VAV2: variants seen among roughly 807,000 people sequenced by gnomAD.
The protein encoded by VAV2 is guanine nucleotide exchange factor VAV2.
In VAV2, 67 loss-of-function variants were observed where a neutral mutation model predicts 132.5. The observed-to-expected ratio is 0.51, with a 90% CI of 0.42 to 0.62. The LOEUF is 0.62. Among genes scored for constraint, VAV2 ranks in the 20% least tolerant of loss-of-function variants. The pLI is 0.00. For missense variants in VAV2, 938 were observed against 1,153.6 expected, an observed-to-expected ratio of 0.81 and a Z score of 2.71; for synonymous variants, 492 against 443.5, an observed-to-expected ratio of 1.11 and a Z score of -1.37.
At position 133,861,379 on chromosome 9, in the gene VAV2, C is replaced by T. The variant is rs1172128881; in HGVS notation, c.375G>A (p.Gly125=). The T allele has an allele frequency of 6.2e-7, 1 of 1,612,448 alleles. No homozygotes were observed. Among genetic ancestry groups the T allele is most frequent in the Non-Finnish European group, 8.5e-7 (1 of 1,179,220 alleles). ...LSLHSIAQNK[G]IRPFPSEETT... is the part of the protein sequence containing the mutation. Reference sequence around the variant, plus strand: ...GCGCACTCCGGAGAGCTCACCTGATCCCTTTGTTCTGCGCGATGCTGTGCA... The same window carrying T: ...GCGCACTCCGGAGAGCTCACCTGATTCCTTTGTTCTGCGCGATGCTGTGCA... Residue 125 remains glycine, a synonymous_variant, in exon 3 of 30, where the codon GGG becomes GGA. Transcript: ENST00000371850.
In VAV2 at chr9:133,926,717, T is replaced by C. The variant is rs924020460; in HGVS notation, c.321+12386A>G. Among the ~76,000 whole-genome samples the C allele has an allele frequency of 5.9e-5, 9 of 152,124 alleles. No homozygotes were observed. The highest frequency in any genetic ancestry group is 1.0e-4 in the Non-Finnish European group (7 of 68,004). Reference sequence around the variant, plus strand: ...GGAAGCCCTCCTTGACTAGCTCAACTGTCTAACACACCTCTGCCCACCAAA... The same window carrying C: ...GGAAGCCCTCCTTGACTAGCTCAACCGTCTAACACACCTCTGCCCACCAAA... On this transcript the variant is annotated intron_variant, in intron 2 of 29. Transcript: ENST00000371850. This position sits in a 1 kb window ranked among gnomAD's most constrained non-coding sequence, Gnocchi z 4.3.
intron 1 of VAV2, among the ~76,000 whole-genome samples, chr9:133,953,102 C>A (rs945298653): frequency 6.6e-6 from 1 of 152,124 alleles, no homozygotes; most frequent in Non-Finnish European, 1.5e-5. Context: ...GGGAGCACAG[C>A]CTGCCAACAT....
chr9:133,965,010 T>C lies in VAV2; in HGVS notation c.205-25791A>G, dbSNP rs138520890. Reference sequence around the variant, plus strand: ...AGGAAAGAAATAGAGGGCCTCCAAATTGGAAAGCAGGAAGTCAAACTGTCC... The same window carrying C: ...AGGAAAGAAATAGAGGGCCTCCAAACTGGAAAGCAGGAAGTCAAACTGTCC... On this transcript the variant is annotated intron_variant, in intron 1 of 29. Transcript: ENST00000371850. 7.5e-3 allele frequency among the ~76,000 whole-genome samples: 1,147 copies of C among 152,140 alleles called. 10 individuals are homozygous for C. Among genetic ancestry groups the C allele is most frequent in the African/African-American group, 0.022 (911 of 41,496 alleles).
chr9:133,870,484 GC>G (rs945906212), intron 2 of VAV2, among the ~76,000 whole-genome samples: 1 of 152,168 alleles, frequency 6.6e-6, no homozygotes, highest in Non-Finnish European at 1.5e-5. Context: ...CTCAGAATTG[GC>G]CCACTCTTCC....
chr9:133,784,197 C>A (rs1178393223), intron 18 of VAV2, 120 bp downstream of exon 18: 1 of 1,102,258 alleles, frequency 9.1e-7, no homozygotes, highest in Admixed American at 1.9e-5. Context: ...GTGGGGTATA[C>A]TCCCTTAACC....
chr9:133,771,548 G>C (rs1833625464), intron 26 of VAV2, among the ~76,000 whole-genome samples: 1 of 152,226 alleles, frequency 6.6e-6, no homozygotes, highest in African/African-American at 2.4e-5. Context: ...GGCTGGGACA[G>C]AGGGTGGGGG....
Position 133,788,491 on chromosome 9 carries a change from G to A in VAV2, c.1275-5C>T, listed in dbSNP as rs1408328029. 1 of 1,604,680 alleles carries A rather than the reference G, an allele frequency of 6.2e-7. No individual in the cohort carries two copies. The highest frequency in any genetic ancestry group is 8.5e-7 in the Non-Finnish European group (1 of 1,172,422). ...TTGTCAAACAGGAACAAGTACCTGG[G>A]CCAGGCAGCGCAGCGGGGGATCAGC... On this transcript the variant is annotated splice_polypyrimidine_tract_variant and splice_region_variant and intron_variant, in intron 14 of 29. Coordinates refer to ENST00000371850, the MANE Select transcript of VAV2 (RefSeq NM_001134398.2). The surrounding 1 kb of genome is among the most constrained non-coding windows in gnomAD (Gnocchi z 5.3).
chr9:133,870,355 C>T (rs1021958792), intron 2 of VAV2, among the ~76,000 whole-genome samples: 8 of 152,134 alleles, frequency 5.3e-5, no homozygotes, highest in Non-Finnish European at 7.3e-5. Flanking sequence ...CAACTAGCAG[C>T]GACTCTGAAG....
At position 133,788,005 on chromosome 9, in the gene VAV2, T is replaced by G. The variant is rs956018184; in HGVS notation, c.1407+349A>C. 2.0e-5 allele frequency among the ~76,000 whole-genome samples: 3 copies of G among 152,256 alleles called. No individual in the cohort carries two copies. Among genetic ancestry groups the G allele is most frequent in the Admixed American group, 2.0e-4 (3 of 15,290 alleles). On this transcript the variant is annotated intron_variant, in intron 15 of 29. Coordinates refer to ENST00000371850, the MANE Select transcript of VAV2 (RefSeq NM_001134398.2). This position sits in a 1 kb window ranked among gnomAD's most constrained non-coding sequence, Gnocchi z 5.3. ...GGGACAACATGGGCTAGAGTCAGGCTGGCCAGATGGAAAGCCAAGGTTGAA... is the reference window on the plus strand; with the variant it reads ...GGGACAACATGGGCTAGAGTCAGGCGGGCCAGATGGAAAGCCAAGGTTGAA...
chr9:133,965,814 T>G (rs1264158703), intron 1 of VAV2, among the ~76,000 whole-genome samples: 1 of 152,128 alleles, frequency 6.6e-6, no homozygotes, highest in Admixed American at 6.5e-5. Context: ...CAGAAGACCC[T>G]GAAGTGCCAA....
chr9:133,957,212 G>A lies in VAV2; in HGVS notation c.205-17993C>T, dbSNP rs117044694. On this transcript the variant is annotated intron_variant, in intron 1 of 29. Coordinates refer to ENST00000371850, the MANE Select transcript of VAV2 (RefSeq NM_001134398.2). The stretch of plus-strand genomic sequence containing the variant: ...CCCCTGTACCAGCTGCTGCAGGTCC[G>A]GTCTCATTTCACCAGGGAAGGATGT... Among the ~76,000 whole-genome samples, 1,020 of 152,258 alleles carry A rather than the reference G, an allele frequency of 6.7e-3. 5 individuals carry two copies. Among genetic ancestry groups the A allele is most frequent in the South Asian group, 0.013 (65 of 4,824 alleles).
At position 133,763,156 on chromosome 9, in the gene VAV2, A is replaced by G. The variant is rs1332737686; in HGVS notation, c.*906T>C. ...AGACCCTCAGGGACCACCCTTCAGGAGAGCAGAGGGGCCTCCTGGAGAGGG... is the reference window on the plus strand; with the variant it reads ...AGACCCTCAGGGACCACCCTTCAGGGGAGCAGAGGGGCCTCCTGGAGAGGG... On this transcript the variant is annotated 3_prime_UTR_variant, in exon 30 of 30. Coordinates refer to ENST00000371850, the MANE Select transcript of VAV2 (RefSeq NM_001134398.2). This position sits in a 1 kb window ranked among gnomAD's most constrained non-coding sequence, Gnocchi z 6.8. 6.6e-6 allele frequency: 1 copy of G among 152,490 alleles called. No homozygotes were observed. The highest frequency in any genetic ancestry group is 1.5e-5 in the Non-Finnish European group (1 of 68,030). 9.4% of individuals were successfully genotyped at this position (152,490 alleles called of 1,614,324 possible).
At chr9:133,952,418 G>A (rs1385143359) in intron 1 of VAV2, among the ~76,000 whole-genome samples, 4 of 152,016 alleles carry the variant, frequency 2.6e-5, no homozygotes, top group Non-Finnish European at 5.9e-5. Context: ...CCTGGCCAAC[G>A]TGGTGAAACC....
At chr9:133,921,932 C>T (rs1840310516) in intron 2 of VAV2, among the ~76,000 whole-genome samples, 1 of 152,254 alleles carries the variant, frequency 6.6e-6, no homozygotes, top group Non-Finnish European at 1.5e-5. Context: ...GTTCTAATCC[C>T]GTTGATGGGC....
chr9:133,801,405 G>A (rs1419834518), intron 9 of VAV2, among the ~76,000 whole-genome samples: 1 of 152,258 alleles, frequency 6.6e-6, no homozygotes, highest in East Asian at 1.9e-4. Flanking sequence ...AACAGGGCCA[G>A]ATTCCAAAGC....
rs546472765 is a variant in VAV2, at chr9:133,883,893, T to C, written c.322-22461A>G. Among the ~76,000 whole-genome samples the C allele has an allele frequency of 1.3e-5, 2 of 152,290 alleles. No homozygotes were observed. Among genetic ancestry groups the C allele is most frequent in the South Asian group, 2.1e-4 (1 of 4,816 alleles). ...GCTTATACCTGTAATCCCAGCACTT[T>C]GGGAGGCTGAGGCAGGCAGATCACA... On this transcript the variant is annotated intron_variant, in intron 2 of 29. Transcript: ENST00000371850. The surrounding 1 kb of genome is among the most constrained non-coding windows in gnomAD (Gnocchi z 4.2).
chr9:133,891,901 A>G, intron 2 of VAV2, among the ~76,000 whole-genome samples: 1 of 121,328 alleles, frequency 8.2e-6, no homozygotes, highest in Non-Finnish European at 1.7e-5. Context: ...AGAGGTGGGG[A>G]TAGAGGGCGT....
rs567585212 is a variant in VAV2, at chr9:133,935,486, C to A, written c.321+3617G>T. On this transcript the variant is annotated intron_variant, in intron 2 of 29. Transcript: ENST00000371850. This position sits in a 1 kb window ranked among gnomAD's most constrained non-coding sequence, Gnocchi z 5.2. ...TCTGACCCTTCCTCCCCTCTGTCCA[C>A]GGCAGGGACTGCAACAAATACGCCC... Among the ~76,000 whole-genome samples, 7 of 152,318 alleles carry A rather than the reference C, an allele frequency of 4.6e-5. No homozygotes were observed. The highest frequency in any genetic ancestry group is 9.6e-5 in the African/African-American group (4 of 41,574).
At chr9:133,911,731 C>T (rs997314598) in intron 2 of VAV2, among the ~76,000 whole-genome samples, 1 of 152,206 alleles carries the variant, frequency 6.6e-6, no homozygotes, top group African/African-American at 2.4e-5. Context: ...ACTAAAGACG[C>T]CATGTCCAAA....
Sources: allele counts gnomAD v4.1 joint callset (sites outside exome capture counted in the v4.1 genomes callset), GRCh38; gene constraint gnomAD v4.1.1; non-coding constraint Gnocchi (gnomAD v3.1); transcripts MANE v1.5; gene names NCBI Gene and HGNC (gene_info 2026-07-23, HGNC 2026-07-21).